NEBL: variants seen among roughly 807,000 people sequenced by gnomAD.
The protein encoded by NEBL is LIM and SH3 protein 2.
Under a neutral mutation model 140.2 loss-of-function variants are expected in NEBL, and 122 were observed. The observed-to-expected ratio is 0.87, with a 90% CI of 0.75 to 1.01. The LOEUF is 1.01. Among genes scored for constraint, NEBL ranks in the 50% least tolerant of loss-of-function variants. The probability of loss-of-function intolerance (pLI) is 0.00; values close to 1 mark genes in which losing one functional copy is unlikely to be tolerated. For synonymous variants in NEBL, 436 were observed against 398.9 expected (o/e 1.09, Z -1.11); for missense variants, 1,365 against 1,231.3 (o/e 1.11, Z -1.62).
chr10:21,291,652 C>T (rs1843145503), intron 1 of NEBL, among the ~76,000 whole-genome samples: 1 of 152,046 alleles, frequency 6.6e-6, no homozygotes, highest in Admixed American at 6.6e-5. Context: ...CAGTGGCTCA[C>T]ACCTGTAATC....
intron 2 of NEBL, among the ~76,000 whole-genome samples, chr10:21,053,686 G>A (rs1052132002): frequency 2.0e-5 from 3 of 152,074 alleles, no homozygotes; most frequent in Non-Finnish European, 2.9e-5. Flanking sequence ...CCTGAAACTT[G>A]AGCTAAACCA....
At chr10:20,797,035 T>G (rs973985668) in intron 26 of NEBL, among the ~76,000 whole-genome samples, 3 of 152,288 alleles carry the variant, frequency 2.0e-5, no homozygotes, top group Admixed American at 6.5e-5. Flanking sequence ...GGGAAAGCAA[T>G]TCAGAACATA....
chr10:20,807,024 G>T (rs765228634), intron 26 of NEBL, among the ~76,000 whole-genome samples: 1 of 152,036 alleles, frequency 6.6e-6, no homozygotes, highest in Non-Finnish European at 1.5e-5. Context: ...GTGACCCCAC[G>T]TCCAAAAAAA....
intron 1 of NEBL, among the ~76,000 whole-genome samples, chr10:21,279,188 A>C (rs971634598): frequency 6.6e-6 from 1 of 152,140 alleles, no homozygotes; most frequent in Non-Finnish European, 1.5e-5. Context: ...TAAACCAACC[A>C]GCCTGGCTGC....
Position 21,264,734 on chromosome 10 carries a change from G to T in NEBL, n.183-12906C>A, listed in dbSNP as rs1353145468. Among the ~76,000 whole-genome samples the T allele has an allele frequency of 1.7e-4, 6 of 35,382 alleles. No homozygotes were observed. In the East Asian group the frequency reaches 4.2e-3, roughly 25 times the overall value. The allele number at this position is 35,382 out of a possible 152,430, so 23.2% of individuals were successfully genotyped here. On this transcript the variant is annotated intron_variant and non_coding_transcript_variant, in intron 1 of 8. Coordinates refer to the NEBL transcript ENST00000675702. Reference sequence around the variant, plus strand: ...AAAAAAAAAAAAAAAAAAAAAAAAAGCCTTACACTGGGTAATTTGTTAACA... The same window carrying T: ...AAAAAAAAAAAAAAAAAAAAAAAAATCCTTACACTGGGTAATTTGTTAACA...
chr10:21,193,585 A>T (rs1264530557), intron 3 of NEBL, among the ~76,000 whole-genome samples: 2 of 152,200 alleles, frequency 1.3e-5, no homozygotes, highest in Non-Finnish European at 2.9e-5. Flanking sequence ...CTCTATAGAA[A>T]TTCTAGAGCA....
intron 1 of NEBL, among the ~76,000 whole-genome samples, chr10:21,290,820 C>G (rs887429042): frequency 4.6e-5 from 7 of 152,180 alleles, no homozygotes; most frequent in African/African-American, 1.4e-4. Context: ...TTCCCTCTCC[C>G]CTATGAAGAG....
At position 21,223,947 on chromosome 10, in the gene NEBL, G is replaced by A. The variant is rs143777376; in HGVS notation, n.348+23974C>T. 7.3e-3 allele frequency among the ~76,000 whole-genome samples: 1,113 copies of A among 152,168 alleles called. 18 individuals are homozygous for A. The highest frequency in any genetic ancestry group is 0.026 in the African/African-American group (1,064 of 41,522). The stretch of plus-strand genomic sequence containing the variant: ...CTGGTTATTAATCCCTTGTCAGGTG[G>A]ACAGTTTGCAAATATTTTCTCCCAT... On this transcript the variant is annotated intron_variant and non_coding_transcript_variant, in intron 3 of 8. Coordinates refer to the NEBL transcript ENST00000675702.
At position 21,173,917 on chromosome 10, in the gene NEBL, C is replaced by T; in HGVS notation, c.-84G>A. 1 of 1,532,794 alleles carries T rather than the reference C, an allele frequency of 6.5e-7. No individual in the cohort carries two copies. Among genetic ancestry groups the T allele is most frequent in the African/African-American group, 1.4e-5 (1 of 71,210 alleles). 94.9% of individuals were successfully genotyped at this position (1,532,794 alleles called of 1,614,324 possible). ...ACATCCCCCGGCGAGCCCCGCACCG[C>T]CTCCTGGCAGGCGGGAGGGCTGCGG... On this transcript the variant is annotated 5_prime_UTR_variant, in exon 1 of 7. Transcript: ENST00000417816. This position sits in a 1 kb window ranked among gnomAD's most constrained non-coding sequence, Gnocchi z 5.7.
intron 16 of NEBL, among the ~76,000 whole-genome samples, chr10:20,830,174 C>T (rs2130899902): frequency 6.6e-6 from 1 of 152,266 alleles, no homozygotes; most frequent in African/African-American, 2.4e-5. Context: ...TTGATACTAC[C>T]CTTTTGAACT....
intron 4 of NEBL, among the ~76,000 whole-genome samples, chr10:20,913,255 AT>A (rs1323309000): frequency 2.0e-5 from 3 of 152,290 alleles, no homozygotes; most frequent in African/African-American, 7.2e-5. Context: ...GAAGAGAACA[AT>A]TTTGAAAGGC....
At chr10:20,803,248 A>G (rs976284190) in intron 26 of NEBL, among the ~76,000 whole-genome samples, 1 of 152,202 alleles carries the variant, frequency 6.6e-6, no homozygotes, top group African/African-American at 2.4e-5. Flanking sequence ...TCAAATAGCT[A>G]GAAGGATGTT....
intron 2 of NEBL, among the ~76,000 whole-genome samples, chr10:21,074,627 AC>A: frequency 6.6e-6 from 1 of 151,514 alleles, no homozygotes; most frequent in East Asian, 2.0e-4. Flanking sequence ...GCAGGTGCAC[AC>A]CACCAAGCTC....
chr10:20,797,184 A>C (rs146256517), intron 26 of NEBL, among the ~76,000 whole-genome samples: 133 of 152,350 alleles, frequency 8.7e-4, no homozygotes, highest in Middle Eastern at 3.4e-3. Flanking sequence ...ACTACTGTCC[A>C]TGTTGTATAA....
At position 20,835,544 on chromosome 10, in the gene NEBL, T is replaced by C; in HGVS notation, c.1418A>G (p.His473Arg). Residue 473 changes from histidine to arginine, a missense_variant, in exon 14 of 28, where the codon CAT (histidine) becomes CGT (arginine). By Grantham distance (29) the His-to-Arg change is conservative (BLOSUM62 0). Around this residue, in one of 2 missense-constraint regions of NEBL, gnomAD observed 1,323 missense variants for 1,154.8 expected, o/e 1.15. Coordinates refer to ENST00000377122, the MANE Select transcript of NEBL (RefSeq NM_006393.3). ...CGCTATCTCTGCAGCCTTCTTGGCA[T>C]GCTGCATTTCAAGGGTGTCAGTGCC... ...QAGTDTLEMQHAKKAAEIASE... is the reference protein window; with the variant it reads ...QAGTDTLEMQRAKKAAEIASE... The C allele has an allele frequency of 6.2e-7, 1 of 1,612,458 alleles. No homozygotes were observed. Among genetic ancestry groups the C allele is most frequent in the Non-Finnish European group, 8.5e-7 (1 of 1,179,602 alleles).
intron 3 of NEBL, among the ~76,000 whole-genome samples, chr10:21,215,368 G>C (rs1445816373): frequency 6.6e-6 from 1 of 152,124 alleles, no homozygotes; most frequent in African/African-American, 2.4e-5. Context: ...GCAATGGGCT[G>C]TCTTATTATG....
intron 26 of NEBL, among the ~76,000 whole-genome samples, chr10:20,801,839 C>T (rs142381939): frequency 9.9e-5 from 15 of 152,132 alleles, no homozygotes; most frequent in African/African-American, 2.2e-4. Context: ...TGGGATGAAA[C>T]GCCGGAAGCA....
chr10:21,019,109 T>C (rs554861784), intron 3 of NEBL, among the ~76,000 whole-genome samples: 333 of 152,324 alleles, frequency 2.2e-3, no homozygotes, highest in Non-Finnish European at 3.3e-3. Context: ...TCACAAACTC[T>C]GTGCGTTTCC....
rs142954785 is a variant in NEBL, at chr10:20,835,016, A to C, written c.1449+497T>G. 2.8e-3 allele frequency among the ~76,000 whole-genome samples: 432 copies of C among 152,322 alleles called. 1 individual carries two copies. Among genetic ancestry groups the C allele is most frequent in the African/African-American group, 0.01 (419 of 41,572 alleles). Reference sequence around the variant, plus strand: ...AGGTTATATCAGACCTCCATCCAAAATGCTGACTGTGTAGAAATTTCATGC... The same window carrying C: ...AGGTTATATCAGACCTCCATCCAAACTGCTGACTGTGTAGAAATTTCATGC... On this transcript the variant is annotated intron_variant, in intron 14 of 27. Coordinates refer to ENST00000377122, the MANE Select transcript of NEBL (RefSeq NM_006393.3).
Sources: allele counts gnomAD v4.1 joint callset (sites outside exome capture counted in the v4.1 genomes callset), GRCh38; gene constraint gnomAD v4.1.1; regional missense constraint gnomAD v4.1.1; non-coding constraint Gnocchi (gnomAD v3.1); transcripts MANE v1.5; gene names NCBI Gene and HGNC (gene_info 2026-07-23, HGNC 2026-07-21).